UCHL3: variants seen among roughly 807,000 people sequenced by gnomAD.
UCHL3 encodes ubiquitin C-terminal hydrolase L3, also known as ubiquitin carboxyl-terminal hydrolase isozyme L3.
UCHL3 carries 22 observed loss-of-function variants against 35.8 expected under a neutral mutation model. That is an observed-to-expected ratio of 0.61 (90% CI 0.44 to 0.88). UCHL3 has a LOEUF of 0.88. Ranked by LOEUF, UCHL3 falls within the 40% of genes least tolerant of loss-of-function variation. The probability of loss-of-function intolerance (pLI) is 0.00; values close to 1 mark genes in which losing one functional copy is unlikely to be tolerated. For missense variants in UCHL3, 229 were observed against 276.9 expected, an observed-to-expected ratio of 0.83 and a Z score of 1.23; for synonymous variants, 90 against 92.8, an observed-to-expected ratio of 0.97 and a Z score of 0.17.
chr13:75,556,625 T>C (rs1323696), intron 2 of UCHL3, among the ~76,000 whole-genome samples: 70,767 of 151,926 alleles, frequency 0.47, 17,358 homozygotes, highest in East Asian at 0.63. Context: ...GAAGAATTTG[T>C]TATAATTTAG....
chr13:75,560,721 A>G (rs903755575), intron 2 of UCHL3, 32 bp from the exon 3 acceptor site: 7 of 1,570,040 alleles, frequency 4.5e-6, no homozygotes, highest in Middle Eastern at 1.7e-4. Context: ...CTAATGTTCC[A>G]TTGTTTTTTT....
intron 5 of UCHL3, among the ~76,000 whole-genome samples, chr13:75,568,777 T>C (rs2031766716): frequency 6.6e-6 from 1 of 152,106 alleles, no homozygotes. Context: ...TATGTAAATA[T>C]ATAAACTCCT....
intron 2 of UCHL3, among the ~76,000 whole-genome samples, chr13:75,551,029 T>A (rs751682296): frequency 6.6e-6 from 1 of 152,228 alleles, no homozygotes; most frequent in Middle Eastern, 3.2e-3. Flanking sequence ...CCTAGTTTGC[T>A]GAGAGTTTTT....
chr13:75,589,870 G>A (rs1195522480), intron 6 of UCHL3: 1 of 1,166,316 alleles, frequency 8.6e-7, no homozygotes, highest in Non-Finnish European at 1.1e-6. Context: ...ACCATACGTT[G>A]CTTTTAAGAA....
At chr13:75,600,362 AC>A (rs2032749548) in intron 7 of UCHL3, among the ~76,000 whole-genome samples, 2 of 152,230 alleles carry the variant, frequency 1.3e-5, no homozygotes, top group Non-Finnish European at 2.9e-5. Flanking sequence ...GCCATCTAGG[AC>A]TTCTGTAGCT....
chr13:75,562,281 GAA>G (rs1347266767), intron 3 of UCHL3, among the ~76,000 whole-genome samples: 1 of 151,952 alleles, frequency 6.6e-6, no homozygotes, highest in African/African-American at 2.4e-5. Context: ...TTCAATAAAA[GAA>G]ATGATATTTC....
chr13:75,589,984 C>T lies in UCHL3; in HGVS notation c.475-4931C>T, dbSNP rs773031541. The T allele has an allele frequency of 1.4e-5, 18 of 1,304,742 alleles. No homozygotes were observed. In the East Asian group the frequency reaches 1.7e-4, roughly 12 times the overall value. The allele number at this position is 1,304,742 out of a possible 1,614,324, so 80.8% of individuals were successfully genotyped here. A position where few individuals can be genotyped will look rare whatever the true frequency, so the allele number is the denominator to read the frequency against. ...CAGCCTCATTCTAGCCACTGCAGAA[C>T]GAAGGCCTCATCATTGTGTCACCAT... On this transcript the variant is annotated intron_variant, in intron 6 of 8. Transcript: ENST00000377595.
chr13:75,580,809 C>G (rs1259413807), intron 6 of UCHL3, among the ~76,000 whole-genome samples: 1 of 152,278 alleles, frequency 6.6e-6, no homozygotes, highest in Non-Finnish European at 1.5e-5. Context: ...TTCAAGGTCA[C>G]ACAGCTAGTA....
intron 2 of UCHL3, among the ~76,000 whole-genome samples, chr13:75,552,092 G>A (rs1393559022): frequency 6.6e-6 from 1 of 152,172 alleles, no homozygotes; most frequent in African/African-American, 2.4e-5. Flanking sequence ...TTTAGTATAT[G>A]ATTGTACATT....
At chr13:75,592,456 A>ATG (rs2032532596) in intron 6 of UCHL3, among the ~76,000 whole-genome samples, 1 of 119,074 alleles carries the variant, frequency 8.4e-6, no homozygotes, top group African/African-American at 3.1e-5. Flanking sequence ...ATATATATAT[A>ATG]TATATATATA....
In UCHL3 at chr13:75,598,014, A is replaced by G. The variant is rs1049253168; in HGVS notation, c.550+3024A>G. Among the ~76,000 whole-genome samples the G allele has an allele frequency of 2.0e-5, 3 of 152,204 alleles. No homozygotes were observed. The South Asian group carries it at 6.2e-4, about 32-fold the overall frequency. ...AAATAGATAAAATGACTCCTTGTGG[A>G]TATAGAGTAGAGCATTGGGATTTAG... On this transcript the variant is annotated intron_variant, in intron 7 of 8. Transcript: ENST00000377595.
At chr13:75,553,176 G>GA (rs1386106464) in intron 2 of UCHL3, among the ~76,000 whole-genome samples, 2 of 152,002 alleles carry the variant, frequency 1.3e-5, no homozygotes, top group East Asian at 1.9e-4. Flanking sequence ...ACCATTTTAG[G>GA]AAAAAAATCT....
chr13:75,550,720 GTTTT>G (rs10581965), intron 2 of UCHL3, among the ~76,000 whole-genome samples: 2 of 138,388 alleles, frequency 1.4e-5, no homozygotes, highest in African/African-American at 5.3e-5. Flanking sequence ...ATTTTACCCT[GTTTT>G]TTTTTTTTTT....
At chr13:75,603,227 C>A (rs1021829151) in intron 7 of UCHL3, among the ~76,000 whole-genome samples, 2 of 152,102 alleles carry the variant, frequency 1.3e-5, no homozygotes, top group Non-Finnish European at 2.9e-5. Flanking sequence ...TGGCCTCAAG[C>A]AATCTTCTTA....
chr13:75,578,901 T>G (rs1318217845), intron 6 of UCHL3, among the ~76,000 whole-genome samples: 1 of 152,104 alleles, frequency 6.6e-6, no homozygotes. Flanking sequence ...AAGAAAATCC[T>G]CTGTTTAGAA....
chr13:75,592,445 T>TACATAC (rs1183572195), intron 6 of UCHL3, among the ~76,000 whole-genome samples: 4 of 55,696 alleles, frequency 7.2e-5, no homozygotes, highest in African/African-American at 2.8e-4. Context: ...TATATATATA[T>TACATAC]ATATATATAT....
intron 4 of UCHL3, 80 bp downstream of exon 4, chr13:75,566,931 T>TC (rs2031703185): frequency 9.1e-6 from 13 of 1,432,672 alleles, no homozygotes; most frequent in Non-Finnish European, 1.1e-5. Context: ...GTGCTCTAAT[T>TC]CTTTCTTCAA....
intron 6 of UCHL3, among the ~76,000 whole-genome samples, chr13:75,574,268 G>T (rs1203672821): frequency 6.6e-6 from 1 of 151,728 alleles, no homozygotes; most frequent in Non-Finnish European, 1.5e-5. Context: ...TCACTGTTAA[G>T]TAGGTCCTTC....
chr13:75,604,652 T>G, intron 7 of UCHL3, 117 bp from the exon 8 acceptor site: 4 of 623,436 alleles, frequency 6.4e-6, no homozygotes, highest in Non-Finnish European at 7.8e-6. Flanking sequence ...TAGGATATAT[T>G]ATTGAAAATG....
Sources: allele counts gnomAD v4.1 joint callset (sites outside exome capture counted in the v4.1 genomes callset), GRCh38; gene constraint gnomAD v4.1.1; transcripts MANE v1.5; gene names NCBI Gene and HGNC (gene_info 2026-07-23, HGNC 2026-07-21).